Variants in ATG10 observed in about 807,000 individuals in gnomAD.
The protein encoded by ATG10 is autophagy related 10.
A neutral mutation model predicts 32.1 loss-of-function variants in ATG10; 30 were observed. The observed-to-expected ratio is 0.94, with a 90% CI of 0.70 to 1.27. The LOEUF (loss-of-function observed/expected upper bound fraction) is 1.27, where lower values mean the gene tolerates loss of function less well. Among genes scored for constraint, ATG10 ranks in the 50% most tolerant of loss-of-function variants. ATG10 has a pLI of 0.00. For synonymous variants in ATG10, 87 were observed against 91.5 expected, an observed-to-expected ratio of 0.95 and a Z score of 0.28; for missense variants, 233 against 262.3, an observed-to-expected ratio of 0.89 and a Z score of 0.77.
intron 5 of ATG10, among the ~76,000 whole-genome samples, chr5:82,195,851 A>T (rs187340046): frequency 2.4e-4 from 36 of 152,324 alleles, no homozygotes; most frequent in African/African-American, 8.2e-4. Flanking sequence ...AGATTTGTGT[A>T]CAAGTTTTTA....
At chr5:81,981,785 A>T (rs1429750866) in intron 1 of ATG10, among the ~76,000 whole-genome samples, 1 of 152,228 alleles carries the variant, frequency 6.6e-6, no homozygotes, top group Non-Finnish European at 1.5e-5. Flanking sequence ...AACAATAACA[A>T]AGAATTAGTT....
At chr5:82,246,246 CT>C (rs1239120400) in intron 5 of ATG10, among the ~76,000 whole-genome samples, 3 of 151,710 alleles carry the variant, frequency 2.0e-5, no homozygotes, top group Admixed American at 1.3e-4. Context: ...AATTTTTGTA[CT>C]TTTAGTAGAG....
chr5:82,090,828 A>G (rs1764857504), intron 3 of ATG10, among the ~76,000 whole-genome samples: 1 of 152,250 alleles, frequency 6.6e-6, no homozygotes, highest in South Asian at 2.1e-4. Flanking sequence ...CAACACATGT[A>G]TATCTTACCT....
chr5:82,033,844 A>T (rs1762816018), intron 2 of ATG10, among the ~76,000 whole-genome samples: 1 of 151,238 alleles, frequency 6.6e-6, no homozygotes, highest in Non-Finnish European at 1.5e-5. Flanking sequence ...GTATATCTAT[A>T]CATAGGTATA....
At chr5:82,080,010 T>C (rs1299831219) in intron 3 of ATG10, among the ~76,000 whole-genome samples, 1 of 152,146 alleles carries the variant, frequency 6.6e-6, no homozygotes, top group Non-Finnish European at 1.5e-5. Flanking sequence ...TAATTCTCCA[T>C]ATCCTCTCCA....
At chr5:82,012,200 AAC>A (rs1762145146) in intron 2 of ATG10, among the ~76,000 whole-genome samples, 1 of 152,190 alleles carries the variant, frequency 6.6e-6, no homozygotes, top group South Asian at 2.1e-4. Flanking sequence ...CCTGAATTTC[AAC>A]AGTTTTTCAT....
intron 2 of ATG10, among the ~76,000 whole-genome samples, chr5:82,038,715 G>A (rs1239465185): frequency 6.6e-6 from 1 of 152,158 alleles, no homozygotes; most frequent in African/African-American, 2.4e-5. Context: ...TCTCAAAGTT[G>A]TGAGAGCCTA....
intron 3 of ATG10, among the ~76,000 whole-genome samples, chr5:82,092,478 AGTCTGTAG>A (rs1314631641): frequency 2.6e-5 from 4 of 152,174 alleles, no homozygotes; most frequent in Non-Finnish European, 5.9e-5. Flanking sequence ...ATTTCTCAAG[AGTCTGTAG>A]ACTGGTTAAG....
At chr5:82,081,723 G>A (rs1470575587) in intron 3 of ATG10, among the ~76,000 whole-genome samples, 1 of 152,120 alleles carries the variant, frequency 6.6e-6, no homozygotes, top group Non-Finnish European at 1.5e-5. Flanking sequence ...TGATCATGGT[G>A]GATAAGCTTT....
intron 3 of ATG10, among the ~76,000 whole-genome samples, chr5:82,062,558 T>C (rs1489574073): frequency 6.6e-6 from 1 of 152,238 alleles, no homozygotes; most frequent in African/African-American, 2.4e-5. Context: ...TTATTAATAC[T>C]AATAATGTCA....
chr5:81,982,606 C>G (rs1444801427), intron 1 of ATG10, among the ~76,000 whole-genome samples: 4 of 150,258 alleles, frequency 2.7e-5, no homozygotes, highest in Non-Finnish European at 5.9e-5. Flanking sequence ...GGGTGTTTCT[C>G]GCAGAGGGGG....
intron 2 of ATG10, among the ~76,000 whole-genome samples, chr5:81,998,082 G>C (rs1761721495): frequency 6.6e-6 from 1 of 152,062 alleles, no homozygotes. Flanking sequence ...CCAACACATA[G>C]TAATCAGATT....
chr5:82,135,577 G>A (rs1159051801), intron 3 of ATG10, among the ~76,000 whole-genome samples: 4 of 152,210 alleles, frequency 2.6e-5, no homozygotes, highest in African/African-American at 7.2e-5. Flanking sequence ...TTTGCACTGT[G>A]ATCTGAGAGA....
intron 2 of ATG10, chr5:82,009,873 C>T: frequency 6.2e-7 from 1 of 1,609,896 alleles, no homozygotes; most frequent in Non-Finnish European, 8.5e-7. Flanking sequence ...GGACTTGCCA[C>T]TAGTGCCATT....
intron 5 of ATG10, among the ~76,000 whole-genome samples, chr5:82,240,363 A>T (rs973728953): frequency 6.6e-6 from 1 of 152,256 alleles, no homozygotes; most frequent in African/African-American, 2.4e-5. Context: ...TGTCATTTGC[A>T]ATAACATGGA....
intron 3 of ATG10, among the ~76,000 whole-genome samples, chr5:82,083,209 A>G (rs1197456528): frequency 6.6e-6 from 1 of 152,122 alleles, no homozygotes; most frequent in Non-Finnish European, 1.5e-5. Flanking sequence ...GTAGAATCCC[A>G]CCCCTACGGA....
At chr5:81,984,303 TGCAATCG>T (rs1434693425) in intron 1 of ATG10, among the ~76,000 whole-genome samples, 1 of 152,198 alleles carries the variant, frequency 6.6e-6, no homozygotes, top group Non-Finnish European at 1.5e-5. Flanking sequence ...GGCGCGCGCC[TGCAATCG>T]CAGGCACTCC....
intron 3 of ATG10, chr5:82,147,218 G>C (rs542275922): frequency 2.6e-5 from 6 of 228,776 alleles, no homozygotes; most frequent in African/African-American, 4.7e-5. Flanking sequence ...ACCCAGGCTG[G>C]AGTGCAGTTG....
chr5:82,170,988 T>C (rs1743786634), intron 4 of ATG10, among the ~76,000 whole-genome samples: 2 of 152,080 alleles, frequency 1.3e-5, no homozygotes, highest in African/African-American at 4.8e-5. Context: ...CAGCAGACCT[T>C]AGGCTGTAGA....
Sources: gnomAD v4.1 joint callset for allele counts (sites outside exome capture counted in the v4.1 genomes callset) on GRCh38, gnomAD v4.1.1 for gene constraint, MANE v1.5 for transcripts, NCBI Gene and HGNC (gene_info 2026-07-23, HGNC 2026-07-21) for gene names.